PCDHGB5: variants seen among roughly 807,000 people sequenced by gnomAD.
The protein encoded by PCDHGB5 is protocadherin gamma-B5.
In PCDHGB5, 48 loss-of-function variants were observed where a neutral mutation model predicts 62.9. The observed-to-expected ratio is 0.76, with a 90% CI of 0.61 to 0.97. The LOEUF is 0.97. PCDHGB5 is among the 50% of genes least tolerant of loss of function. The pLI, the probability that PCDHGB5 is intolerant of heterozygous loss-of-function variation, is 0.00. For missense variants in PCDHGB5, 1,118 were observed against 1,198.6 expected (o/e 0.93, Z 0.99); for synonymous variants, 474 against 511.2 (o/e 0.93, Z 0.98).
In PCDHGB5 at chr5:141,489,077, C is replaced by CCCCCCACCGGG; in HGVS notation, c.2398-5730_2398-5729insCCCCCACCGGG. ...AGCTCCCCTCCCCCCTGCCCACCCCCGCCACTCGGTGACTAAGAACTGCTG... is the reference window on the plus strand; with the variant it reads ...AGCTCCCCTCCCCCCTGCCCACCCCCCCCCCACCGGGGCCACTCGGTGACTAAGAACTGCTG... On this transcript the variant is annotated intron_variant, in intron 1 of 3. Transcript: ENST00000617380. The surrounding 1 kb of genome is among the most constrained non-coding windows in gnomAD (Gnocchi z 4.5). 6.1e-6 allele frequency: 2 copies of CCCCCCACCGGG among 325,756 alleles called. No individual in the cohort carries two copies. Among genetic ancestry groups the CCCCCCACCGGG allele is most frequent in the Non-Finnish European group, 5.5e-6 (1 of 181,460 alleles). The allele number at this position is 325,756 out of a possible 1,614,324, so 20.2% of individuals were successfully genotyped here.
At chr5:141,414,239 C>T in intron 1 of PCDHGB5, 1 of 1,613,498 alleles carries the variant, frequency 6.2e-7, no homozygotes, top group Non-Finnish European at 8.5e-7. Context: ...ACCATCACGT[C>T]TCTATTTAGT....
In PCDHGB5 at chr5:141,423,579, G is replaced by A. The variant is rs760902886; in HGVS notation, c.2397+23055G>A. 6 of 1,613,378 alleles carry A rather than the reference G, an allele frequency of 3.7e-6. No homozygotes were observed. In the East Asian group the frequency reaches 1.3e-4, roughly 36 times the overall value. ...ATGGGGACACGCTCATCAGCCAGGA[G>A]AGCTGTGAGAAAAGCGAGCCACTCT... On this transcript the variant is annotated intron_variant, in intron 1 of 3. Transcript: ENST00000617380.
intron 1 of PCDHGB5, chr5:141,420,388 A>G (rs986892784): frequency 3.1e-6 from 4 of 1,282,144 alleles, no homozygotes; most frequent in Non-Finnish European, 4.1e-6. Context: ...TTCGCAAAAT[A>G]TAGGTCAAAT....
At chr5:141,440,887 G>C (rs1423303973) in intron 1 of PCDHGB5, 4 of 152,206 alleles carry the variant, frequency 2.6e-5, no homozygotes, top group Non-Finnish European at 5.9e-5. Context: ...TCGGCCTTCA[G>C]GAAGATGTGC....
intron 1 of PCDHGB5, among the ~76,000 whole-genome samples, chr5:141,420,581 C>T (rs1024544346): frequency 2.6e-5 from 4 of 151,994 alleles, no homozygotes; most frequent in Admixed American, 6.5e-5. Flanking sequence ...TAATTGAAAC[C>T]CTGATGCTAC....
chr5:141,413,725 C>A, intron 1 of PCDHGB5: 1 of 1,613,546 alleles, frequency 6.2e-7, no homozygotes, highest in Non-Finnish European at 8.5e-7. Flanking sequence ...GCACTTCTCC[C>A]TAAGAGTTCA....
In PCDHGB5 at chr5:141,477,913, T is replaced by G; in HGVS notation, c.2398-16894T>G. ...CACGGGTGGTAGGCTGGGACGCGGA[T>G]GCAGGGCACAATGCCTGGCTCTCCT... On this transcript the variant is annotated intron_variant, in intron 1 of 3. Transcript: ENST00000617380. This position sits in a 1 kb window ranked among gnomAD's most constrained non-coding sequence, Gnocchi z 4.9. 6.2e-7 allele frequency: 1 copy of G among 1,614,190 alleles called. No individual in the cohort carries two copies. Among genetic ancestry groups the G allele is most frequent in the Non-Finnish European group, 8.5e-7 (1 of 1,180,024 alleles).
Position 141,432,979 on chromosome 5 carries a change from TGTGGGC to T in PCDHGB5, c.2397+32460_2397+32465del. 1 of 1,614,228 alleles carries T rather than the reference TGTGGGC, an allele frequency of 6.2e-7. No individual in the cohort carries two copies. On this transcript the variant is annotated intron_variant, in intron 1 of 3. Coordinates refer to ENST00000617380, the MANE Select transcript of PCDHGB5 (RefSeq NM_018925.3). The surrounding 1 kb of genome is among the most constrained non-coding windows in gnomAD (Gnocchi z 6.0). ...TGACAGGAGCGCCGGCGTCGCACTTTGTGGGCGTGGACGGGGTGCAGGCTTTCCTGC... is the reference window on the plus strand; with the variant it reads ...TGACAGGAGCGCCGGCGTCGCACTTTGTGGACGGGGTGCAGGCTTTCCTGC...
rs367919924 is a variant in PCDHGB5, at chr5:141,487,711, T to A, written c.2398-7096T>A. The A allele has an allele frequency of 1.1e-5, 18 of 1,586,144 alleles. No individual in the cohort carries two copies. In the African/African-American group the frequency reaches 2.1e-4, roughly 19 times the overall value. On this transcript the variant is annotated intron_variant, in intron 1 of 3. Transcript: ENST00000617380. The surrounding 1 kb of genome is among the most constrained non-coding windows in gnomAD (Gnocchi z 5.0). ...TAGAGAGTACTGGCCTCTCAGTAAG[T>A]GCCCATAGTGATGTCACCATTTTTG...
Position 141,485,256 on chromosome 5 carries a change from G to A in PCDHGB5, c.2398-9551G>A, listed in dbSNP as rs770176450. The A allele has an allele frequency of 6.2e-7, 1 of 1,614,186 alleles. No homozygotes were observed. Among genetic ancestry groups the A allele is most frequent in the Non-Finnish European group, 8.5e-7 (1 of 1,179,996 alleles). On this transcript the variant is annotated intron_variant, in intron 1 of 3. Transcript: ENST00000617380. The surrounding 1 kb of genome is among the most constrained non-coding windows in gnomAD (Gnocchi z 5.7). ...CTCTTTTACCACCTGGGTTACGTTTGTGGGCAGATCCGCTACCCGGTCCCA... is the reference window on the plus strand; with the variant it reads ...CTCTTTTACCACCTGGGTTACGTTTATGGGCAGATCCGCTACCCGGTCCCA...
At position 141,493,726 on chromosome 5, in the gene PCDHGB5, G is replaced by C. The variant is rs1032021616; in HGVS notation, c.2398-1081G>C. ...CTGGAATGCTAGGTTTCTGGGTTCT[G>C]CTCATATCACTGCCACCTGTGAGCC... On this transcript the variant is annotated intron_variant, in intron 1 of 3. Coordinates refer to ENST00000617380, the MANE Select transcript of PCDHGB5 (RefSeq NM_018925.3). This position sits in a 1 kb window ranked among gnomAD's most constrained non-coding sequence, Gnocchi z 4.3. Among the ~76,000 whole-genome samples, 2 of 152,154 alleles carry C rather than the reference G, an allele frequency of 1.3e-5. No individual in the cohort carries two copies. Among genetic ancestry groups the C allele is most frequent in the African/African-American group, 4.8e-5 (2 of 41,438 alleles).
In PCDHGB5 at chr5:141,431,141, G is replaced by A. The variant is rs1262504427; in HGVS notation, c.2397+30617G>A. 24 of 1,614,212 alleles carry A rather than the reference G, an allele frequency of 1.5e-5. No individual in the cohort carries two copies. The highest frequency in any genetic ancestry group is 2.0e-5 in the Non-Finnish European group (24 of 1,180,030). On this transcript the variant is annotated intron_variant, in intron 1 of 3. Coordinates refer to ENST00000617380, the MANE Select transcript of PCDHGB5 (RefSeq NM_018925.3). The surrounding 1 kb of genome is among the most constrained non-coding windows in gnomAD (Gnocchi z 4.8). ...AGAAGTAGAAGTAAGGGACATTAAC[G>A]ACAATGCGCCTTACTTTCGTGAAAG...
chr5:141,504,461 C>T (rs1485490028), intron 2 of PCDHGB5, among the ~76,000 whole-genome samples: 1 of 151,900 alleles, frequency 6.6e-6, no homozygotes, highest in Non-Finnish European at 1.5e-5. Flanking sequence ...GTGGGGCAGC[C>T]GCTGGGATGG....
At chr5:141,413,333 C>T in intron 1 of PCDHGB5, 1 of 1,613,966 alleles carries the variant, frequency 6.2e-7, no homozygotes, top group Non-Finnish European at 8.5e-7. Context: ...GGCAACATCT[C>T]CAAGGACTTG....
intron 1 of PCDHGB5, chr5:141,417,624 G>A (rs2096138947): frequency 1.5e-6 from 1 of 672,584 alleles, no homozygotes; most frequent in Non-Finnish European, 2.4e-6. Flanking sequence ...CAGAGCAAGC[G>A]CTGACGCCGG....
Position 141,511,040 on chromosome 5 carries a change from C to T in PCDHGB5, c.2639C>T (p.Pro880Leu), listed in dbSNP as rs770767470. The T allele has an allele frequency of 6.2e-7, 1 of 1,614,216 alleles. No individual in the cohort carries two copies. The highest frequency in any genetic ancestry group is 1.7e-5 in the Admixed American group (1 of 60,034). Reference protein sequence around the residue: ...YGPQFTLQHVPDYRQNVYIPG... With the variant: ...YGPQFTLQHVLDYRQNVYIPG... ...CCCCAGTTCACCCTGCAGCACGTGC[C>T]CGACTACCGCCAGAATGTCTACATC... Residue 880 changes from proline (P) to leucine (L), a missense_variant, in exon 4 of 4, where the codon CCC becomes CTC. Physicochemically the swap from Pro to Leu is moderately conservative, Grantham distance 98. Transcript: ENST00000617380.
At chr5:141,458,438 C>T (rs2098945825) in intron 1 of PCDHGB5, among the ~76,000 whole-genome samples, 1 of 152,024 alleles carries the variant, frequency 6.6e-6, no homozygotes, top group Non-Finnish European at 1.5e-5. Flanking sequence ...GAGGAGGTCC[C>T]CCACATTAAC....
chr5:141,460,388 G>T (rs1425099375), intron 1 of PCDHGB5, among the ~76,000 whole-genome samples: 1 of 151,774 alleles, frequency 6.6e-6, no homozygotes, highest in East Asian at 1.9e-4. Context: ...TTATAATTTG[G>T]TCTATGAATC....
chr5:141,402,430 C>T (rs1026560659), intron 1 of PCDHGB5, among the ~76,000 whole-genome samples: 2 of 151,802 alleles, frequency 1.3e-5, no homozygotes, highest in African/African-American at 4.8e-5. Flanking sequence ...ATTGAAGCAT[C>T]ATAAAAAGGA....
Sources: allele counts gnomAD v4.1 joint callset (sites outside exome capture counted in the v4.1 genomes callset), GRCh38; gene constraint gnomAD v4.1.1; non-coding constraint Gnocchi (gnomAD v3.1); transcripts MANE v1.5; gene names NCBI Gene and HGNC (gene_info 2026-07-23, HGNC 2026-07-21).